The following THSD4 variants were observed in gnomAD, a reference collection of about 807,000 sequenced individuals.
THSD4 encodes the protein thrombospondin type-1 domain-containing protein 4.
Under a neutral mutation model 119.0 loss-of-function variants are expected in THSD4, and 69 were observed. The ratio of observed to expected loss-of-function variants is 0.58; its 90% CI spans 0.48 to 0.71. The LOEUF (loss-of-function observed/expected upper bound fraction) is 0.71. THSD4 is among the 30% of genes least tolerant of loss of function. The probability of loss-of-function intolerance (pLI) is 0.00; values close to 1 mark genes in which losing one functional copy is unlikely to be tolerated. For missense variants in THSD4, 1,393 were observed against 1,391.1 expected (o/e 1.00, Z -0.02); for synonymous variants, 524 against 540.4 (o/e 0.97, Z 0.42).
At chr15:71,243,228 C>T (rs999367166) in intron 5 of THSD4, 132 bp downstream of exon 5, 8 of 922,528 alleles carry the variant, frequency 8.7e-6, no homozygotes, top group Non-Finnish European at 1.1e-5. Context: ...AATCTTCCTC[C>T]TTTCTCTTTG....
At chr15:71,343,783 G>T (rs954109840) in intron 6 of THSD4, among the ~76,000 whole-genome samples, 8 of 148,516 alleles carry the variant, frequency 5.4e-5, no homozygotes, top group African/African-American at 2.0e-4. Flanking sequence ...CCGCAAAATG[G>T]CTCACTGCAG....
At chr15:71,202,728 C>T (rs1412737748) in intron 3 of THSD4, among the ~76,000 whole-genome samples, 1 of 152,108 alleles carries the variant, frequency 6.6e-6, no homozygotes, top group Non-Finnish European at 1.5e-5. Context: ...TGTTGGGGGA[C>T]TCTCTGGCGC....
At chr15:71,512,600 T>G (rs770326983) in intron 7 of THSD4, among the ~76,000 whole-genome samples, 1 of 152,198 alleles carries the variant, frequency 6.6e-6, no homozygotes, top group African/African-American at 2.4e-5. Context: ...ATATTTAACA[T>G]AGGATAAGGA....
At chr15:71,185,958 A>T (rs1479350120) in intron 3 of THSD4, 1 of 152,210 alleles carries the variant, frequency 6.6e-6, no homozygotes, top group Non-Finnish European at 1.5e-5. Context: ...GATGACAGTG[A>T]CAACCAACGT....
chr15:71,645,349 AAGG>A (rs919763116), intron 7 of THSD4, among the ~76,000 whole-genome samples: 11 of 152,168 alleles, frequency 7.2e-5, no homozygotes, highest in Admixed American at 5.9e-4. Flanking sequence ...TGATGGCAGG[AAGG>A]AGAAGAATGA....
intron 7 of THSD4, among the ~76,000 whole-genome samples, chr15:71,597,862 G>A (rs2049934551): frequency 6.6e-6 from 1 of 152,164 alleles, no homozygotes; most frequent in Non-Finnish European, 1.5e-5. Flanking sequence ...ACACCTCTGT[G>A]TCAGCCCCAA....
intron 4 of THSD4, among the ~76,000 whole-genome samples, chr15:71,237,151 G>A (rs1055192735): frequency 6.6e-6 from 1 of 152,222 alleles, no homozygotes; most frequent in East Asian, 1.9e-4. Context: ...AGGAGTTTGG[G>A]TGGAATGCAG....
At chr15:71,461,295 G>T (rs973484191) in intron 7 of THSD4, among the ~76,000 whole-genome samples, 1 of 152,202 alleles carries the variant, frequency 6.6e-6, no homozygotes, top group South Asian at 2.1e-4. Context: ...TCACAATATG[G>T]CACTGACTTC....
At position 71,420,282 on chromosome 15, in the gene THSD4, T is replaced by C. The variant is rs1451562860; in HGVS notation, c.1152+8459T>C. ...CGTTGAAATTTAGTTTGTCTAAGTA[T>C]AGCTACTCCTGTTCATTTTTGGTTT... On this transcript the variant is annotated intron_variant, in intron 7 of 17. Transcript: ENST00000261862. 1.8e-5 allele frequency among the ~76,000 whole-genome samples: 2 copies of C among 108,608 alleles called. 1 individual carries two copies. The highest frequency in any genetic ancestry group is 4.1e-5 in the Non-Finnish European group (2 of 49,346). 71.3% of individuals were successfully genotyped at this position (108,608 alleles called of 152,430 possible).
intron 7 of THSD4, among the ~76,000 whole-genome samples, chr15:71,570,387 A>G (rs573324114): frequency 9.1e-4 from 136 of 148,894 alleles, no homozygotes; most frequent in Non-Finnish European, 1.5e-3. Context: ...ATATAAATCC[A>G]GATTACTCAG....
At chr15:71,101,596 G>A (rs779025937) in intron 1 of THSD4, among the ~76,000 whole-genome samples, 1 of 152,078 alleles carries the variant, frequency 6.6e-6, no homozygotes, top group Non-Finnish European at 1.5e-5. Context: ...ATTTCTTATG[G>A]AACAAGTCTG....
intron 5 of THSD4, among the ~76,000 whole-genome samples, chr15:71,253,688 G>A (rs1261490709): frequency 6.6e-6 from 1 of 152,112 alleles, no homozygotes; most frequent in Non-Finnish European, 1.5e-5. Flanking sequence ...GATTATAGCC[G>A]TGAGCCACTG....
chr15:71,164,827 C>A, intron 3 of THSD4: 2 of 1,592,426 alleles, frequency 1.3e-6, no homozygotes, highest in Non-Finnish European at 1.7e-6. Flanking sequence ...CCTCCTCCTC[C>A]TCATCCTCTT....
At chr15:71,262,056 C>T (rs2044406434) in intron 6 of THSD4, among the ~76,000 whole-genome samples, 1 of 152,110 alleles carries the variant, frequency 6.6e-6, no homozygotes, top group Admixed American at 6.6e-5. Context: ...TTGCATCGGG[C>T]TCTTGGTTTT....
chr15:71,134,001 A>G (rs1357053146), intron 1 of THSD4, among the ~76,000 whole-genome samples: 1 of 152,242 alleles, frequency 6.6e-6, no homozygotes, highest in African/African-American at 2.4e-5. Flanking sequence ...GAAAGCTGCC[A>G]GGGAGTTTTA....
intron 7 of THSD4, among the ~76,000 whole-genome samples, chr15:71,542,597 G>T (rs902902924): frequency 2.0e-5 from 3 of 152,104 alleles, no homozygotes; most frequent in African/African-American, 7.2e-5. Flanking sequence ...AACAAATTGG[G>T]CCGGGCACAG....
intron 7 of THSD4, among the ~76,000 whole-genome samples, chr15:71,526,790 AT>A (rs1420361924): frequency 6.6e-6 from 1 of 152,210 alleles, no homozygotes; most frequent in Non-Finnish European, 1.5e-5. Flanking sequence ...TGTATCTAAA[AT>A]TTGTATTTGA....
chr15:71,549,879 G>C (rs1257814072), intron 7 of THSD4: 1 of 152,680 alleles, frequency 6.5e-6, no homozygotes, highest in Admixed American at 6.5e-5. Context: ...CAGGTGGGGA[G>C]AGGAGGGCTG....
At chr15:71,367,945 G>A (rs1422920142) in intron 6 of THSD4, among the ~76,000 whole-genome samples, 1 of 152,184 alleles carries the variant, frequency 6.6e-6, no homozygotes, top group Non-Finnish European at 1.5e-5. Flanking sequence ...TCCAGCACCT[G>A]TTGTTTTCTG....
Sources: allele counts gnomAD v4.1 joint callset (sites outside exome capture counted in the v4.1 genomes callset), GRCh38; gene constraint gnomAD v4.1.1; transcripts MANE v1.5; gene names NCBI Gene and HGNC (gene_info 2026-07-23, HGNC 2026-07-21).